Variants in MTUS2 observed in about 807,000 individuals in gnomAD.
MTUS2 encodes the protein microtubule associated scaffold protein 2, also known as microtubule-associated tumor suppressor candidate 2.
A neutral mutation model predicts 114.1 loss-of-function variants in MTUS2; 40 were observed. The observed-to-expected ratio is 0.35, with a 90% CI of 0.27 to 0.46. The LOEUF is 0.46. MTUS2 is among the 20% of genes least tolerant of loss of function. The pLI is 1.00. For missense variants in MTUS2, 1,679 were observed against 1,705.4 expected, an observed-to-expected ratio of 0.98 and a Z score of 0.27; for synonymous variants, 688 against 672.0, an observed-to-expected ratio of 1.02 and a Z score of -0.37.
intron 2 of MTUS2, among the ~76,000 whole-genome samples, chr13:28,860,614 C>T (rs1299313883): frequency 2.0e-5 from 3 of 152,142 alleles, no homozygotes; most frequent in Non-Finnish European, 2.9e-5. Context: ...GGGACATGCA[C>T]GAGGCTTATC....
intron 5 of MTUS2, among the ~76,000 whole-genome samples, chr13:29,211,019 G>C (rs1895408945): frequency 1.3e-5 from 2 of 152,102 alleles, no homozygotes; most frequent in Admixed American, 1.3e-4. Flanking sequence ...TGATGGGCAG[G>C]GCCATAGAGT....
chr13:29,052,111 T>G (rs180672184), intron 4 of MTUS2, among the ~76,000 whole-genome samples: 1 of 152,310 alleles, frequency 6.6e-6, no homozygotes, highest in East Asian at 1.9e-4. Flanking sequence ...TAATTGATAC[T>G]TTAATTTTAT....
chr13:29,126,556 C>T (rs1217912804), intron 5 of MTUS2, among the ~76,000 whole-genome samples: 2 of 152,188 alleles, frequency 1.3e-5, no homozygotes, highest in Admixed American at 6.5e-5. Context: ...TGGCTCCATG[C>T]AGCCCAGGAT....
intron 5 of MTUS2, among the ~76,000 whole-genome samples, chr13:29,221,472 T>G (rs1895905699): frequency 6.6e-6 from 1 of 152,238 alleles, no homozygotes. Flanking sequence ...ATTATTAGCC[T>G]GAGTACATTT....
chr13:29,347,457 G>C (rs1868808174), intron 7 of MTUS2, among the ~76,000 whole-genome samples: 1 of 151,924 alleles, frequency 6.6e-6, no homozygotes, highest in South Asian at 2.1e-4. Context: ...CATATTTGGG[G>C]ACCTCTCAAG....
At chr13:28,876,643 G>A (rs1281255512) in intron 2 of MTUS2, among the ~76,000 whole-genome samples, 1 of 152,136 alleles carries the variant, frequency 6.6e-6, no homozygotes, top group Non-Finnish European at 1.5e-5. Flanking sequence ...GCCTAGGTTG[G>A]GCCACATTCC....
chr13:28,958,616 T>C (rs919287052), intron 2 of MTUS2, among the ~76,000 whole-genome samples: 3 of 152,212 alleles, frequency 2.0e-5, no homozygotes, highest in Non-Finnish European at 4.4e-5. Context: ...GTGGAAATTC[T>C]CTGGAGGCAG....
chr13:29,234,007 G>T (rs1361231267), intron 5 of MTUS2, among the ~76,000 whole-genome samples: 1 of 152,132 alleles, frequency 6.6e-6, no homozygotes, highest in African/African-American at 2.4e-5. Context: ...GAAAAAATGG[G>T]AAAATCAGCA....
In MTUS2 at chr13:28,883,088, A is replaced by G. The variant is rs1878386736; in HGVS notation, c.-243+43238A>G. 2.6e-5 allele frequency among the ~76,000 whole-genome samples: 4 copies of G among 152,238 alleles called. No individual in the cohort carries two copies. The South Asian group carries it at 8.3e-4, about 32-fold the overall frequency. The stretch of plus-strand genomic sequence containing the variant: ...TTACCCATTAGGGAAATGCACATTA[A>G]AACCACAGTGAAATATCACTGCACA... On this transcript the variant is annotated intron_variant, in intron 2 of 15. Transcript: ENST00000612955.
chr13:29,390,448 G>A (rs1873344396), intron 8 of MTUS2, among the ~76,000 whole-genome samples: 1 of 151,750 alleles, frequency 6.6e-6, no homozygotes, highest in Non-Finnish European at 1.5e-5. Flanking sequence ...GAGGTCAGGA[G>A]TTCGAGACCA....
At chr13:29,054,722 G>A (rs997559064) in intron 4 of MTUS2, among the ~76,000 whole-genome samples, 10 of 151,982 alleles carry the variant, frequency 6.6e-5, no homozygotes, top group Admixed American at 5.3e-4. Flanking sequence ...CTATGCTACT[G>A]GCAATATTTA....
chr13:29,056,978 A>G (rs765681783), intron 4 of MTUS2, among the ~76,000 whole-genome samples: 10 of 151,938 alleles, frequency 6.6e-5, no homozygotes, highest in African/African-American at 9.7e-5. Flanking sequence ...TGCTTTAGTT[A>G]TGTCCTAGAG....
At chr13:29,454,622 G>T (rs945835989) in intron 9 of MTUS2, among the ~76,000 whole-genome samples, 1 of 151,874 alleles carries the variant, frequency 6.6e-6, no homozygotes, top group Non-Finnish European at 1.5e-5. Context: ...GCAAGGAAAC[G>T]CAGGAATCAG....
At chr13:28,932,528 G>C (rs956236732) in intron 2 of MTUS2, among the ~76,000 whole-genome samples, 5 of 152,104 alleles carry the variant, frequency 3.3e-5, no homozygotes, top group Non-Finnish European at 7.4e-5. Context: ...GTGTGCCTGG[G>C]CTTGTGCTCA....
intron 4 of MTUS2, among the ~76,000 whole-genome samples, chr13:29,085,431 A>T (rs2475528): frequency 0.97 from 148,083 of 152,232 alleles, 72,090 homozygotes; most frequent in Non-Finnish European, 0.99. Context: ...ACCCTCATTC[A>T]TTTGTCACCC....
At chr13:29,410,829 G>GTTTGTTTGTTTA (rs1284835527) in intron 8 of MTUS2, among the ~76,000 whole-genome samples, 1 of 151,684 alleles carries the variant, frequency 6.6e-6, no homozygotes, top group African/African-American at 2.4e-5. Flanking sequence ...TTGTTTGTTT[G>GTTTGTTTGTTTA]TTTGTTTGTT....
chr13:29,256,716 C>A (rs1405446134), intron 5 of MTUS2, among the ~76,000 whole-genome samples: 1 of 152,250 alleles, frequency 6.6e-6, no homozygotes, highest in East Asian at 1.9e-4. Context: ...CAAGTAGTTT[C>A]TAATTGCTGT....
chr13:29,141,735 G>C (rs975191913), intron 5 of MTUS2, among the ~76,000 whole-genome samples: 17 of 152,188 alleles, frequency 1.1e-4, no homozygotes, highest in Admixed American at 1.0e-3. Flanking sequence ...CCAAATATGT[G>C]TAATGAGCAT....
At chr13:29,101,754 G>A (rs9551602) in intron 5 of MTUS2, among the ~76,000 whole-genome samples, 39,998 of 152,072 alleles carry the variant, frequency 0.26, 5,595 homozygotes, top group East Asian at 0.56. Flanking sequence ...AGGTTTCCAC[G>A]TAGAGAGCTG....
Sources: gnomAD v4.1 joint callset for allele counts (sites outside exome capture counted in the v4.1 genomes callset) on GRCh38, gnomAD v4.1.1 for gene constraint, MANE v1.5 for transcripts, NCBI Gene and HGNC (gene_info 2026-07-23, HGNC 2026-07-21) for gene names.